AP3B1: variants seen among roughly 807,000 people sequenced by gnomAD.
AP3B1 encodes AP-3 complex subunit beta-1.
A neutral mutation model predicts 132.5 loss-of-function variants in AP3B1; 61 were observed. The ratio of observed to expected loss-of-function variants is 0.46; its 90% CI spans 0.37 to 0.57. The LOEUF (loss-of-function observed/expected upper bound fraction) is 0.57. AP3B1 is among the 20% of genes least tolerant of loss of function. The probability of loss-of-function intolerance (pLI) is 0.00; values close to 1 mark genes in which losing one functional copy is unlikely to be tolerated. For synonymous variants in AP3B1, 388 were observed against 438.3 expected (o/e 0.89, Z 1.43); for missense variants, 1,120 against 1,289.4 (o/e 0.87, Z 2.01).
chr5:78,164,137 ATTAT>A (rs969693915), intron 12 of AP3B1, among the ~76,000 whole-genome samples: 2 of 152,128 alleles, frequency 1.3e-5, no homozygotes, highest in Admixed American at 6.6e-5. Context: ...TCCCAAATAA[ATTAT>A]TTAATTTCCT....
chr5:78,118,060 A>G (rs1751939947), intron 17 of AP3B1, among the ~76,000 whole-genome samples: 2 of 152,226 alleles, frequency 1.3e-5, no homozygotes, highest in Admixed American at 1.3e-4. Context: ...ATCACCTGAG[A>G]ATAGTTTTTA....
chr5:78,008,650 T>C (rs1746494290), intron 26 of AP3B1, among the ~76,000 whole-genome samples: 1 of 152,198 alleles, frequency 6.6e-6, no homozygotes, highest in Admixed American at 6.5e-5. Context: ...AAATTTGTCA[T>C]ATTGTAGAAA....
At chr5:78,271,784 G>A (rs951439428) in intron 1 of AP3B1, among the ~76,000 whole-genome samples, 3 of 152,238 alleles carry the variant, frequency 2.0e-5, no homozygotes, top group Non-Finnish European at 4.4e-5. Context: ...CCTACGTAAC[G>A]TGGCTTACTT....
chr5:78,201,833 C>T (rs78107617), intron 7 of AP3B1, among the ~76,000 whole-genome samples: 2,251 of 152,184 alleles, frequency 0.015, 70 homozygotes, highest in African/African-American at 0.049. Context: ...AGACGTTGTC[C>T]TCCTCTCCCC....
At chr5:78,275,695 G>A (rs545456616) in intron 1 of AP3B1, among the ~76,000 whole-genome samples, 4 of 152,138 alleles carry the variant, frequency 2.6e-5, no homozygotes, top group African/African-American at 7.2e-5. Context: ...AGATGGTCTC[G>A]ATCTCCTGAC....
At chr5:78,107,670 G>A (rs1751393665) in intron 20 of AP3B1, among the ~76,000 whole-genome samples, 3 of 152,254 alleles carry the variant, frequency 2.0e-5, no homozygotes, top group East Asian at 1.9e-4. Flanking sequence ...AACACTGACC[G>A]TGGATGGCAG....
At chr5:78,272,614 A>G (rs1023273015) in intron 1 of AP3B1, among the ~76,000 whole-genome samples, 1 of 152,166 alleles carries the variant, frequency 6.6e-6, no homozygotes, top group African/African-American at 2.4e-5. Context: ...AATAAATAAG[A>G]CATTTTTAAG....
intron 7 of AP3B1, among the ~76,000 whole-genome samples, chr5:78,200,571 A>G (rs572444432): frequency 6.6e-6 from 1 of 152,216 alleles, no homozygotes; most frequent in South Asian, 2.1e-4. Flanking sequence ...AGATAGGAGG[A>G]TCACTTGGTC....
chr5:78,119,975 GACTA>G (rs1223442560), intron 17 of AP3B1, among the ~76,000 whole-genome samples: 1 of 152,208 alleles, frequency 6.6e-6, no homozygotes, highest in Non-Finnish European at 1.5e-5. Flanking sequence ...AAGCCCATCA[GACTA>G]ACAGCTGATC....
At chr5:78,111,789 G>A (rs1751602967) in intron 19 of AP3B1, among the ~76,000 whole-genome samples, 1 of 152,072 alleles carries the variant, frequency 6.6e-6, no homozygotes, top group African/African-American at 2.4e-5. Flanking sequence ...AAAGGGCTAG[G>A]CACTTCATAC....
intron 22 of AP3B1, among the ~76,000 whole-genome samples, chr5:78,074,887 T>C (rs772543400): frequency 1.3e-5 from 2 of 152,078 alleles, no homozygotes; most frequent in Non-Finnish European, 1.5e-5. Flanking sequence ...GAGCTGAGAT[T>C]GCGCCACTGC....
At chr5:78,241,562 TC>T (rs1249836900) in intron 2 of AP3B1, among the ~76,000 whole-genome samples, 1 of 152,222 alleles carries the variant, frequency 6.6e-6, no homozygotes, top group African/African-American at 2.4e-5. Flanking sequence ...TGCTTTCTTT[TC>T]ATAGGTTACC....
intron 6 of AP3B1, among the ~76,000 whole-genome samples, chr5:78,221,012 G>A (rs1746157844): frequency 6.6e-6 from 1 of 152,122 alleles, no homozygotes. Flanking sequence ...TCACACCACT[G>A]CACTCCAGCC....
rs1750700186 is a variant in AP3B1, at chr5:78,094,715, CTG to C, written c.2471-5218_2471-5217del. 2.0e-5 allele frequency among the ~76,000 whole-genome samples: 3 copies of C among 152,012 alleles called. No individual in the cohort carries two copies. The South Asian group carries it at 6.2e-4, about 32-fold the overall frequency. On this transcript the variant is annotated intron_variant, in intron 21 of 26. Coordinates refer to ENST00000255194, the MANE Select transcript of AP3B1 (RefSeq NM_003664.5). ...TCTTTTTTTGTAGTGGAATATCACT[CTG>C]TCACCCAGGCTGGAGTGCAGTGGTG...
intron 20 of AP3B1, among the ~76,000 whole-genome samples, chr5:78,103,072 AC>A (rs756361356): frequency 6.6e-6 from 1 of 151,970 alleles, no homozygotes; most frequent in African/African-American, 2.4e-5. Flanking sequence ...GAATTGGAAA[AC>A]CCTTGCATTC....
chr5:78,149,319 C>A (rs370636459), intron 14 of AP3B1, among the ~76,000 whole-genome samples: 81 of 152,230 alleles, frequency 5.3e-4, no homozygotes, highest in African/African-American at 1.9e-3. Flanking sequence ...AGTTACATAA[C>A]CTCTTTGTGC....
chr5:78,256,896 T>A (rs1395372421), intron 2 of AP3B1, among the ~76,000 whole-genome samples: 1 of 152,098 alleles, frequency 6.6e-6, no homozygotes, highest in Non-Finnish European at 1.5e-5. Context: ...ATACATCATG[T>A]CAACAAAATG....
chr5:78,100,862 T>C, intron 21 of AP3B1, 91 bp downstream of exon 21: 2 of 730,434 alleles, frequency 2.7e-6, no homozygotes, highest in East Asian at 2.8e-5. Flanking sequence ...TAAATATTGA[T>C]ATATTTTGGG....
intron 7 of AP3B1, among the ~76,000 whole-genome samples, chr5:78,213,522 T>C (rs556038892): frequency 6.6e-6 from 1 of 152,298 alleles, no homozygotes; most frequent in African/African-American, 2.4e-5. Flanking sequence ...GAACTGAACA[T>C]ATGTACGTAT....
Sources: allele counts gnomAD v4.1 joint callset (sites outside exome capture counted in the v4.1 genomes callset), GRCh38; gene constraint gnomAD v4.1.1; transcripts MANE v1.5; gene names NCBI Gene and HGNC (gene_info 2026-07-23, HGNC 2026-07-21).